Variants in GOLGA4 observed in about 807,000 individuals in gnomAD.
GOLGA4 encodes the protein golgin subfamily A member 4.
A neutral mutation model predicts 265.9 loss-of-function variants in GOLGA4; 169 were observed. The ratio of observed to expected loss-of-function variants is 0.64; its 90% CI spans 0.56 to 0.72. GOLGA4 has a LOEUF of 0.72. GOLGA4 is among the 30% of genes least tolerant of loss of function. The probability of loss-of-function intolerance (pLI) is 0.00; values close to 1 mark genes in which losing one functional copy is unlikely to be tolerated. For synonymous variants in GOLGA4, 923 were observed against 855.8 expected, an observed-to-expected ratio of 1.08 and a Z score of -1.37; for missense variants, 2,482 against 2,483.4, an observed-to-expected ratio of 1.00 and a Z score of 0.01.
intron 1 of GOLGA4, among the ~76,000 whole-genome samples, chr3:37,244,665 C>T (rs1312824227): frequency 1.3e-5 from 2 of 152,144 alleles, no homozygotes; most frequent in Non-Finnish European, 2.9e-5. Flanking sequence ...TAACATACAA[C>T]GATTGCATTA....
Position 37,278,012 on chromosome 3 carries a change from C to G in GOLGA4, c.163-3946C>G, listed in dbSNP as rs370412046. On this transcript the variant is annotated intron_variant, in intron 2 of 23. Transcript: ENST00000361924. The stretch of plus-strand genomic sequence containing the variant: ...CCGACTCACCTCTATTTTGTCAGTT[C>G]ATAGTTGAAGATTTTGTTTTATTTC... 1.2e-4 allele frequency among the ~76,000 whole-genome samples: 18 copies of G among 152,186 alleles called. No individual in the cohort carries two copies. In the East Asian group the frequency reaches 3.3e-3, roughly 28 times the overall value.
chr3:37,317,753 G>A (rs181286121), intron 11 of GOLGA4, among the ~76,000 whole-genome samples: 140 of 152,106 alleles, frequency 9.2e-4, no homozygotes, highest in Non-Finnish European at 1.8e-3. Context: ...TTTATTTGGC[G>A]AAATCCTTGA....
intron 15 of GOLGA4, 104 bp from the exon 16 acceptor site, chr3:37,328,859 T>C: frequency 2.1e-6 from 2 of 966,434 alleles, no homozygotes; most frequent in South Asian, 2.0e-5. Flanking sequence ...TAAAATTAAA[T>C]TTCATCAAAA....
intron 19 of GOLGA4, among the ~76,000 whole-genome samples, 155 bp downstream of exon 19, chr3:37,337,889 C>G (rs1472255397): frequency 1.3e-5 from 2 of 152,104 alleles, no homozygotes; most frequent in Non-Finnish European, 2.9e-5. Flanking sequence ...GGTTTTCTCT[C>G]TAAATTCATG....
rs773377182 is a variant in GOLGA4, at chr3:37,296,082, A to G, written c.682-5A>G. The G allele has an allele frequency of 2.5e-6, 4 of 1,612,964 alleles. No homozygotes were observed. The highest frequency in any genetic ancestry group is 3.4e-6 in the Non-Finnish European group (4 of 1,179,068). ...CTTTTTTCTAATGAAGCACATTTAT[A>G]TTAGGTTTCTCTACTGAAACAACGA... On this transcript the variant is annotated splice_region_variant and splice_polypyrimidine_tract_variant and intron_variant, in intron 6 of 23. Coordinates refer to ENST00000361924, the MANE Select transcript of GOLGA4 (RefSeq NM_002078.5).
intron 2 of GOLGA4, chr3:37,276,526 C>T: frequency 1.2e-6 from 2 of 1,604,312 alleles, no homozygotes; most frequent in Admixed American, 1.7e-5. Flanking sequence ...AGGTACAAAC[C>T]CGTAGTGCTG....
chr3:37,354,663 G>T (rs1445584649), intron 21 of GOLGA4, among the ~76,000 whole-genome samples: 16 of 152,004 alleles, frequency 1.1e-4, no homozygotes, highest in Admixed American at 1.0e-3. Context: ...TCATGTTCAT[G>T]CAGTAGCCGT....
At chr3:37,291,993 A>T (rs909344898) in intron 5 of GOLGA4, among the ~76,000 whole-genome samples, 2 of 152,252 alleles carry the variant, frequency 1.3e-5, no homozygotes, top group African/African-American at 4.8e-5. Context: ...GAAGTTTGAC[A>T]CAAGCCTCAC....
At position 37,335,064 on chromosome 3, in the gene GOLGA4, A is replaced by T; in HGVS notation, c.6204A>T (p.Glu2068Asp). ...TTTAAATCCTAAAGGCTCGTGAAGA[A>T]GAAATGACTGCAAAAGTAAGGGACC... The part of the protein sequence containing the change: ...RYEEILDARE[E>D]EMTAKVRDLQ... Residue 2068 changes from glutamate to aspartate, a missense_variant, in exon 17 of 24, where the codon GAA (glutamate) becomes GAT (aspartate). Glu to Asp is a conservative substitution (Grantham distance 45). Around this residue, in one of 3 missense-constraint regions of GOLGA4, gnomAD observed 942 missense variants for 983.1 expected, o/e 0.96. Transcript: ENST00000361924. The T allele has an allele frequency of 6.3e-7, 1 of 1,588,836 alleles. No homozygotes were observed. The highest frequency in any genetic ancestry group is 8.6e-7 in the Non-Finnish European group (1 of 1,161,292).
intron 22 of GOLGA4, among the ~76,000 whole-genome samples, chr3:37,359,529 C>T (rs2097099045): frequency 6.6e-6 from 1 of 152,072 alleles, no homozygotes; most frequent in Non-Finnish European, 1.5e-5. Context: ...GAAAATTTCT[C>T]TTTGATGGAG....
chr3:37,356,095 A>G (rs1408577140), intron 22 of GOLGA4, among the ~76,000 whole-genome samples: 1 of 152,114 alleles, frequency 6.6e-6, no homozygotes, highest in East Asian at 1.9e-4. Flanking sequence ...TTTTCTTACA[A>G]AAGTTCTTGA....
At chr3:37,357,881 A>G (rs557410726) in intron 22 of GOLGA4, among the ~76,000 whole-genome samples, 1 of 152,368 alleles carries the variant, frequency 6.6e-6, no homozygotes, top group African/African-American at 2.4e-5. Context: ...AGTTTATTAA[A>G]TAATCATTTT....
At position 37,327,686 on chromosome 3, in the gene GOLGA4, G is replaced by A. The variant is rs372038726; in HGVS notation, c.5800G>A (p.Gly1934Arg). Reference protein sequence around the residue: ...QHNDLEFKLAGAEREKQKLGK... With the variant: ...QHNDLEFKLARAEREKQKLGK... ...CAATGATCTGGAGTTTAAATTAGCC[G>A]GGGCAGAACGGGAGAAACAGAAACT... is the stretch of plus-strand genomic sequence containing the variant. The change falls in exon 14 of 24, where the codon GGG becomes AGG. Residue 1934 changes from glycine (G) to arginine (R), a missense_variant. By Grantham distance (125) the Gly-to-Arg change is moderately radical (BLOSUM62 -2). Around this residue, in one of 3 missense-constraint regions of GOLGA4, gnomAD observed 942 missense variants for 983.1 expected, o/e 0.96. Transcript: ENST00000361924. 13 of 1,613,816 alleles carry A rather than the reference G, an allele frequency of 8.1e-6. No individual in the cohort carries two copies. Among genetic ancestry groups the A allele is most frequent in the Middle Eastern group, 1.6e-4 (1 of 6,084 alleles).
Position 37,325,875 on chromosome 3 carries a change from A to G in GOLGA4, c.3989A>G (p.Gln1330Arg), listed in dbSNP as rs1373488119. 1.9e-6 allele frequency: 3 copies of G among 1,613,666 alleles called. No individual in the cohort carries two copies. Among genetic ancestry groups the G allele is most frequent in the Middle Eastern group, 3.3e-4 (2 of 6,084 alleles). Residue 1330 changes from glutamine (Q) to arginine (R), a missense_variant, in exon 14 of 24, where the codon CAG becomes CGG. Transcript: ENST00000361924. ...KEALQKEGGN[Q>R]QQAASEKESC... is the part of the protein sequence containing the mutation. ...GCCTTACAGAAGGAAGGAGGCAATCAGCAACAGGCTGCTTCTGAAAAGGAG... is the reference window on the plus strand; with the variant it reads ...GCCTTACAGAAGGAAGGAGGCAATCGGCAACAGGCTGCTTCTGAAAAGGAG...
intron 21 of GOLGA4, among the ~76,000 whole-genome samples, chr3:37,349,163 A>G (rs981500333): frequency 5.3e-5 from 8 of 152,160 alleles, no homozygotes; most frequent in African/African-American, 1.9e-4. Flanking sequence ...TTTACTTTTA[A>G]GTTGCTGCAC....
At position 37,327,384 on chromosome 3, in the gene GOLGA4, A is replaced by G. The variant is rs755546808; in HGVS notation, c.5498A>G (p.Asn1833Ser). ...ATACAGGCAAAGCAAAACTTGGAAA[A>G]TGTGTTTGACGACGTCCAGAAAACC... is the stretch of plus-strand genomic sequence containing the variant. The part of the protein sequence containing the change: ...NNIQAKQNLE[N>S]VFDDVQKTLQ... The change falls in exon 14 of 24, where the codon AAT becomes AGT. Residue 1833 changes from asparagine (N) to serine (S), a missense_variant. Coordinates refer to ENST00000361924, the MANE Select transcript of GOLGA4 (RefSeq NM_002078.5). 5 of 1,613,834 alleles carry G rather than the reference A, an allele frequency of 3.1e-6. No homozygotes were observed. In the African/African-American group the frequency reaches 5.3e-5, roughly 17 times the overall value.
At chr3:37,299,243 A>G in intron 8 of GOLGA4, 45 bp from the exon 9 acceptor site, 1 of 1,239,608 alleles carries the variant, frequency 8.1e-7, no homozygotes, top group Non-Finnish European at 1.2e-6. Context: ...TCAAATGAGA[A>G]GAAGCTTTAT....
At chr3:37,259,311 T>C (rs1265715299) in intron 2 of GOLGA4, among the ~76,000 whole-genome samples, 7 of 152,214 alleles carry the variant, frequency 4.6e-5, no homozygotes, top group Admixed American at 4.6e-4. Flanking sequence ...TGTAAGGAAC[T>C]GTAGCCTAAC....
At chr3:37,302,381 TA>T in intron 10 of GOLGA4, 49 bp downstream of exon 10, 1 of 1,504,428 alleles carries the variant, frequency 6.6e-7, no homozygotes, top group East Asian at 2.3e-5. Context: ...AAAAGTTATT[TA>T]AAGTGCTTGA....
Sources: gnomAD v4.1 joint callset for allele counts (sites outside exome capture counted in the v4.1 genomes callset) on GRCh38, gnomAD v4.1.1 for gene constraint, gnomAD v4.1.1 regional missense constraint, MANE v1.5 for transcripts, NCBI Gene and HGNC (gene_info 2026-07-23, HGNC 2026-07-21) for gene names.